PSD3: variants seen among roughly 807,000 people sequenced by gnomAD.
PSD3 encodes pleckstrin and Sec7 domain containing 3.
A neutral mutation model predicts 105.5 loss-of-function variants in PSD3; 49 were observed. The ratio of observed to expected loss-of-function variants is 0.46; its 90% CI spans 0.37 to 0.59. The LOEUF is 0.59. Ranked by LOEUF, PSD3 falls within the 20% of genes least tolerant of loss-of-function variation. The probability of loss-of-function intolerance (pLI) is 0.00; values close to 1 mark genes in which losing one functional copy is unlikely to be tolerated. For synonymous variants in PSD3, 557 were observed against 457.8 expected (o/e 1.22, Z -2.77); for missense variants, 1,561 against 1,263.8 (o/e 1.24, Z -3.57).
At chr8:18,987,729 G>T (rs187982974) in intron 1 of PSD3, among the ~76,000 whole-genome samples, 106 of 152,100 alleles carry the variant, frequency 7.0e-4, no homozygotes, top group Non-Finnish European at 6.8e-4. Context: ...TGAGGTGAGA[G>T]AATCACCTGA....
At chr8:18,901,733 T>C (rs1819514630) in intron 2 of PSD3, among the ~76,000 whole-genome samples, 1 of 152,224 alleles carries the variant, frequency 6.6e-6, no homozygotes, top group African/African-American at 2.4e-5. Flanking sequence ...ATGAATTCTC[T>C]CAGTTTTTGT....
chr8:18,834,073 C>T (rs1444347250), intron 4 of PSD3, among the ~76,000 whole-genome samples: 1 of 152,136 alleles, frequency 6.6e-6, no homozygotes, highest in Non-Finnish European at 1.5e-5. Flanking sequence ...TAAATAAACA[C>T]TATGCTCCTG....
intron 1 of PSD3, among the ~76,000 whole-genome samples, chr8:18,988,335 G>A (rs1586584487): frequency 6.6e-6 from 1 of 152,146 alleles, no homozygotes; most frequent in East Asian, 1.9e-4. Flanking sequence ...CTGCGAATAA[G>A]ACACTCCTGC....
At chr8:18,789,866 T>G (rs1809531312) in intron 8 of PSD3, among the ~76,000 whole-genome samples, 1 of 152,226 alleles carries the variant, frequency 6.6e-6, no homozygotes, top group Non-Finnish European at 1.5e-5. Context: ...GAATTTGACC[T>G]GCTTTCCTTG....
intron 2 of PSD3, among the ~76,000 whole-genome samples, chr8:18,885,578 T>C (rs1055480124): frequency 6.6e-6 from 1 of 152,192 alleles, no homozygotes; most frequent in Non-Finnish European, 1.5e-5. Flanking sequence ...AGACAGATGT[T>C]AGGTGCAGTG....
At chr8:19,027,857 G>A (rs1298507492) in intron 1 of PSD3, among the ~76,000 whole-genome samples, 28 of 152,104 alleles carry the variant, frequency 1.8e-4, no homozygotes, top group Admixed American at 1.8e-3. Flanking sequence ...GGACATTTGA[G>A]TACTGTCCAG....
intron 11 of PSD3, among the ~76,000 whole-genome samples, chr8:18,609,362 C>T (rs891671361): frequency 9.2e-5 from 14 of 152,128 alleles, no homozygotes; most frequent in Non-Finnish European, 1.6e-4. Context: ...CTGAGGTTAA[C>T]GGAGAAAGAT....
chr8:18,911,386 T>C (rs1267316025), intron 2 of PSD3, among the ~76,000 whole-genome samples: 1 of 152,216 alleles, frequency 6.6e-6, no homozygotes, highest in Non-Finnish European at 1.5e-5. Flanking sequence ...TCCAATTTCC[T>C]GTAAGGCTGC....
chr8:18,738,665 C>G (rs1298415595), intron 9 of PSD3, among the ~76,000 whole-genome samples: 1 of 152,096 alleles, frequency 6.6e-6, no homozygotes, highest in Non-Finnish European at 1.5e-5. Context: ...GCATCTTACT[C>G]TCAGCAATAA....
chr8:18,801,981 C>G (rs1360492160), intron 6 of PSD3, among the ~76,000 whole-genome samples: 1 of 151,856 alleles, frequency 6.6e-6, no homozygotes, highest in South Asian at 2.1e-4. Context: ...AAACAAAGAC[C>G]GCTTAAGACT....
chr8:18,573,691 A>G (rs1051740927), intron 13 of PSD3, among the ~76,000 whole-genome samples: 3 of 152,238 alleles, frequency 2.0e-5, no homozygotes, highest in Non-Finnish European at 4.4e-5. Flanking sequence ...GCCAGACACA[A>G]AAGACCACAT....
chr8:18,659,336 C>G lies in PSD3; in HGVS notation c.2173-3651G>C, dbSNP rs567550799. On this transcript the variant is annotated intron_variant, in intron 9 of 15. Coordinates refer to ENST00000327040, the MANE Select transcript of PSD3 (RefSeq NM_015310.4). ...CCATCTCCTCTAAAATGCATCTGCA[C>G]TAGCACCTATTTCTCCTTTCTGATG... Among the ~76,000 whole-genome samples the G allele has an allele frequency of 2.6e-3, 389 of 152,352 alleles. 2 individuals carry two copies. The highest frequency in any genetic ancestry group is 8.9e-3 in the African/African-American group (370 of 41,582).
chr8:18,992,919 A>T (rs370447052), intron 1 of PSD3, among the ~76,000 whole-genome samples: 1 of 152,180 alleles, frequency 6.6e-6, no homozygotes, highest in East Asian at 1.9e-4. Flanking sequence ...AATTGACAAA[A>T]CAACTCAATA....
intron 1 of PSD3, among the ~76,000 whole-genome samples, chr8:18,981,446 A>T (rs1825248688): frequency 6.6e-6 from 1 of 152,222 alleles, no homozygotes; most frequent in Non-Finnish European, 1.5e-5. Context: ...GGTACTCAAC[A>T]TCCCTGTGTC....
chr8:18,848,143 T>C (rs1230442432), intron 4 of PSD3, among the ~76,000 whole-genome samples: 1 of 143,770 alleles, frequency 7.0e-6, no homozygotes, highest in Non-Finnish European at 1.5e-5. Context: ...AAAAAAAAAA[T>C]CCCTAAATCC....
At chr8:18,797,440 G>A (rs1810288679) in intron 8 of PSD3, among the ~76,000 whole-genome samples, 1 of 152,108 alleles carries the variant, frequency 6.6e-6, no homozygotes, top group South Asian at 2.1e-4. Context: ...CCAAGAAGAA[G>A]CAGGATGCTT....
intron 9 of PSD3, among the ~76,000 whole-genome samples, chr8:18,696,186 G>A (rs1272756793): frequency 1.3e-5 from 2 of 152,216 alleles, no homozygotes; most frequent in Non-Finnish European, 2.9e-5. Flanking sequence ...AGAGGCCTTT[G>A]TTGAGATGGC....
rs75722199 is a variant in PSD3, at chr8:18,948,584, T to C, written c.22-12442A>G. Among the ~76,000 whole-genome samples the C allele has an allele frequency of 5.2e-3, 791 of 152,270 alleles. 9 individuals carry two copies. Among genetic ancestry groups the C allele is most frequent in the Non-Finnish European group, 8.4e-3 (568 of 68,022 alleles). The stretch of plus-strand genomic sequence containing the variant: ...GAGACTACAGGCTCACACGAAGTGT[T>C]CAATAAATATTTTTCCTGAATCCTT... On this transcript the variant is annotated intron_variant, in intron 1 of 15. Coordinates refer to ENST00000327040, the MANE Select transcript of PSD3 (RefSeq NM_015310.4).
chr8:19,076,054 T>A (rs6586804), intron 1 of PSD3, among the ~76,000 whole-genome samples: 4 of 152,238 alleles, frequency 2.6e-5, no homozygotes, highest in Middle Eastern at 6.8e-3. Context: ...CAGCCAGAAG[T>A]GGCTCACGAA....
Sources: gnomAD v4.1 joint callset for allele counts (sites outside exome capture counted in the v4.1 genomes callset) on GRCh38, gnomAD v4.1.1 for gene constraint, MANE v1.5 for transcripts, NCBI Gene and HGNC (gene_info 2026-07-23, HGNC 2026-07-21) for gene names.